CFAP276: variants seen among roughly 807,000 people sequenced by gnomAD.
CFAP276 encodes the protein cilia and flagella associated protein 276, also known as cilia- and flagella-associated protein 276.
At chr1:109,107,875 A>G in the CFAP276 span, 2 of 1,444,722 alleles carry the variant, frequency 1.4e-6, no homozygotes, top group African/African-American at 1.4e-5. Flanking sequence ...AAAAAAAAAA[A>G]GCCCTAAACG....
chr1:109,107,970 G>C, the CFAP276 span: 3 of 1,602,374 alleles, frequency 1.9e-6, no homozygotes, highest in Non-Finnish European at 2.6e-6. Flanking sequence ...AATTGTGGGG[G>C]TTGAGTTGAG....
chr1:109,105,977 G>T, the CFAP276 span: 1 of 1,430,312 alleles, frequency 7.0e-7, no homozygotes, highest in Non-Finnish European at 9.7e-7. Context: ...CTATTTAATG[G>T]AAGTGGGCCG....
chr1:109,106,548 G>C, the CFAP276 span: 1 of 1,613,922 alleles, frequency 6.2e-7, no homozygotes, highest in Non-Finnish European at 8.5e-7. Flanking sequence ...TGGATCCTTG[G>C]ATGCTGTGGA....
the CFAP276 span, chr1:109,112,677 C>A: frequency 6.5e-7 from 1 of 1,550,304 alleles, no homozygotes; most frequent in Non-Finnish European, 8.7e-7. Flanking sequence ...GGGTGGGAGG[C>A]ATGGCTAAAT....
At chr1:109,113,392 CAGAGAGAGAGAGAGAGAGAGAGAAAGAG>C in the CFAP276 span, among the ~76,000 whole-genome samples, 786 of 91,414 alleles carry the variant, frequency 8.6e-3, 41 homozygotes, top group Admixed American at 0.067. Flanking sequence ...GACCCTGTCT[CAGAGAGAGAGAGAGAGAGAGAGAAAGAG>C]AGAGAGAGAG....
At chr1:109,107,709 C>T in the CFAP276 span, among the ~76,000 whole-genome samples, 4 of 148,242 alleles carry the variant, frequency 2.7e-5, no homozygotes, top group East Asian at 2.0e-4. Flanking sequence ...AGCAACATAT[C>T]GAGACCTCAT....
At chr1:109,113,639 C>T in the CFAP276 span, 1 of 1,613,896 alleles carries the variant, frequency 6.2e-7, no homozygotes, top group African/African-American at 1.3e-5. Flanking sequence ...GTACTGGGGC[C>T]TCTTCCAGGC....
chr1:109,107,918 TA>T, the CFAP276 span: 2 of 1,597,352 alleles, frequency 1.3e-6, no homozygotes, highest in Non-Finnish European at 1.7e-6. Context: ...CAATGCTAGG[TA>T]CCTCGGGATC....
At chr1:109,108,020 G>GTTATTTTTTTTTTTTTTTT in the CFAP276 span, 7 of 1,605,144 alleles carry the variant, frequency 4.4e-6, no homozygotes, top group Non-Finnish European at 5.1e-6. Context: ...GGTGTGTTGG[G>GTTATTTTTTTTTTTTTTTT]TTCTTATATG....
At chr1:109,107,182 G>A in the CFAP276 span, 1 of 1,320,982 alleles carries the variant, frequency 7.6e-7, no homozygotes, top group Non-Finnish European at 1.1e-6. Flanking sequence ...CTCTAGTCAG[G>A]TTCTATTGTG....
chr1:109,108,181 C>A, the CFAP276 span: 1 of 680,256 alleles, frequency 1.5e-6, no homozygotes, highest in South Asian at 1.7e-5. Context: ...CTCACTCTGT[C>A]ATAGAAGCTG....
the CFAP276 span, chr1:109,113,829 G>A: frequency 5.3e-6 from 4 of 754,016 alleles, no homozygotes; most frequent in Admixed American, 1.0e-4. Context: ...GGGCCTGCCT[G>A]TTGGGCCGGT....
the CFAP276 span, chr1:109,106,162 T>G: frequency 1.4e-6 from 2 of 1,380,600 alleles, no homozygotes; most frequent in Admixed American, 3.6e-5. Context: ...CTAGGAAACT[T>G]TAAACATCAA....
chr1:109,106,822 T>C, the CFAP276 span: 1 of 937,516 alleles, frequency 1.1e-6, no homozygotes, highest in South Asian at 1.7e-5. Flanking sequence ...AGCACAATCT[T>C]GGGAGATTTC....
chr1:109,107,841 GCATTCCACC>G, the CFAP276 span: 1 of 1,169,184 alleles, frequency 8.6e-7, no homozygotes, highest in Non-Finnish European at 1.2e-6. Context: ...TCAGGCCACA[GCATTCCACC>G]CTGGGTGACA....
At chr1:109,112,615 TCTC>T in the CFAP276 span, 50 of 1,550,460 alleles carry the variant, frequency 3.2e-5, no homozygotes, top group Non-Finnish European at 4.1e-5. Context: ...AGCCCGCAGT[TCTC>T]CTAAGTAGGA....
At chr1:109,110,460 A>G in the CFAP276 span, among the ~76,000 whole-genome samples, 2 of 152,112 alleles carry the variant, frequency 1.3e-5, no homozygotes, top group Non-Finnish European at 2.9e-5. Context: ...ATTTGAACTC[A>G]GCTGTTTCTG....
chr1:109,107,725 C>CAAAAA, the CFAP276 span, among the ~76,000 whole-genome samples: 1,930 of 143,522 alleles, frequency 0.013, 52 homozygotes, highest in African/African-American at 0.047. Flanking sequence ...CTCATCTCTT[C>CAAAAA]AAAAAAAAAA....
the CFAP276 span, among the ~76,000 whole-genome samples, chr1:109,113,449 A>AGAGGGAGT: frequency 2.1e-5 from 3 of 142,934 alleles, no homozygotes; most frequent in Non-Finnish European, 4.5e-5. Flanking sequence ...AGAGAGAGAG[A>AGAGGGAGT]GAGAGAGAGA....
Sources: allele counts gnomAD v4.1 joint callset (sites outside exome capture counted in the v4.1 genomes callset), GRCh38; gene constraint gnomAD v4.1.1; transcripts MANE v1.5; gene names NCBI Gene and HGNC (gene_info 2026-07-23, HGNC 2026-07-21).